PCMT1: variants seen among roughly 807,000 people sequenced by gnomAD.
PCMT1 encodes the protein protein-L-isoaspartate(D-aspartate) O-methyltransferase.
PCMT1 carries 9 observed loss-of-function variants against 29.2 expected under a neutral mutation model. The ratio of observed to expected loss-of-function variants is 0.31; its 90% confidence interval spans 0.19 to 0.54. The LOEUF (loss-of-function observed/expected upper bound fraction) is 0.54, where lower values mean the gene tolerates loss of function less well. Ranked by LOEUF, PCMT1 falls within the 20% of genes least tolerant of loss-of-function variation. PCMT1 has a pLI of 0.95. For synonymous variants in PCMT1, 98 were observed against 97.5 expected, an observed-to-expected ratio of 1.00 and a Z score of -0.03; for missense variants, 184 against 282.2, an observed-to-expected ratio of 0.65 and a Z score of 2.49.
Position 149,788,070 on chromosome 6 carries a change from A to T in PCMT1, c.193-1884A>T, listed in dbSNP as rs1263106373. The stretch of plus-strand genomic sequence containing the variant: ...GTAACTGGGACTACAGGCGCCCACC[A>T]CCACGCCCAGCTAATTTTTTGTATT... On this transcript the variant is annotated intron_variant, in intron 3 of 7. Coordinates refer to ENST00000464889, the MANE Select transcript of PCMT1 (RefSeq NM_001360452.2). 3.3e-5 allele frequency among the ~76,000 whole-genome samples: 5 copies of T among 151,748 alleles called. No individual in the cohort carries two copies. The South Asian group carries it at 1.0e-3, about 32-fold the overall frequency.
At chr6:149,793,814 TG>T in intron 5 of PCMT1, 145 bp downstream of exon 5, 1 of 658,436 alleles carries the variant, frequency 1.5e-6, no homozygotes, top group Non-Finnish European at 2.2e-6. Context: ...CGATTATTTT[TG>T]CTCACCTAGT....
intron 5 of PCMT1, chr6:149,794,674 C>A (rs1033761409): frequency 5.3e-6 from 2 of 377,066 alleles, no homozygotes; most frequent in South Asian, 4.1e-5. Flanking sequence ...ACAGCCATCC[C>A]CTAGAGGGAT....
At chr6:149,775,917 T>C (rs1051256032) in intron 3 of PCMT1, among the ~76,000 whole-genome samples, 1 of 152,110 alleles carries the variant, frequency 6.6e-6, no homozygotes, top group African/African-American at 2.4e-5. Flanking sequence ...CCCAGCACTT[T>C]GGGAGGCCAA....
intron 4 of PCMT1, among the ~76,000 whole-genome samples, chr6:149,790,519 T>TTC (rs1554255736): frequency 2.7e-5 from 4 of 150,606 alleles, no homozygotes; most frequent in African/African-American, 9.8e-5. Flanking sequence ...TTCTTTTCTT[T>TTC]TTTTTTTTTT....
chr6:149,768,661 CTG>C (rs572242882), intron 1 of PCMT1, among the ~76,000 whole-genome samples: 124 of 151,862 alleles, frequency 8.2e-4, no homozygotes, highest in South Asian at 1.3e-3. Flanking sequence ...GAGCCTCGCT[CTG>C]TTGCTCATGC....
chr6:149,750,351 C>T (rs909267535), intron 1 of PCMT1: 11 of 196,466 alleles, frequency 5.6e-5, no homozygotes, highest in African/African-American at 2.3e-4. Context: ...GGCTGGCGCT[C>T]AGGAGACCCC....
intron 3 of PCMT1, among the ~76,000 whole-genome samples, 190 bp from the exon 4 acceptor site, chr6:149,789,764 A>G (rs928586500): frequency 6.6e-6 from 1 of 152,142 alleles, no homozygotes; most frequent in African/African-American, 2.4e-5. Flanking sequence ...AATTACTGAA[A>G]CACATGATCT....
At chr6:149,805,409 T>G (rs540761402) in intron 7 of PCMT1, among the ~76,000 whole-genome samples, 12 of 150,320 alleles carry the variant, frequency 8.0e-5, no homozygotes, top group South Asian at 2.1e-4. Flanking sequence ...CTGGGTAACA[T>G]GGCGAAACCC....
chr6:149,806,639 G>GA (rs2115350423), intron 7 of PCMT1, among the ~76,000 whole-genome samples: 1 of 152,262 alleles, frequency 6.6e-6, no homozygotes, highest in Admixed American at 6.5e-5. Flanking sequence ...ACCCAGGCTG[G>GA]AGTGCAGTGG....
At chr6:149,759,581 G>A (rs927209608) in intron 1 of PCMT1, among the ~76,000 whole-genome samples, 3 of 151,826 alleles carry the variant, frequency 2.0e-5, no homozygotes, top group Admixed American at 6.6e-5. Context: ...TGCAACCTCC[G>A]CCTCCCTTGT....
intron 1 of PCMT1, among the ~76,000 whole-genome samples, chr6:149,766,226 C>T (rs1056660985): frequency 3.9e-5 from 6 of 151,912 alleles, no homozygotes; most frequent in African/African-American, 1.5e-4. Context: ...CCAACATATC[C>T]CTGGTTATCT....
chr6:149,759,636 G>A (rs1416831078), intron 1 of PCMT1, among the ~76,000 whole-genome samples: 1 of 151,970 alleles, frequency 6.6e-6, no homozygotes, highest in East Asian at 1.9e-4. Flanking sequence ...CAGAGATTAC[G>A]GGCACCTGCC....
At chr6:149,763,470 C>T (rs2115228609) in intron 1 of PCMT1, among the ~76,000 whole-genome samples, 1 of 151,858 alleles carries the variant, frequency 6.6e-6, no homozygotes, top group Admixed American at 6.6e-5. Context: ...CCTAAAAAAG[C>T]TTTATTCTGA....
At chr6:149,768,340 C>T (rs945013027) in intron 1 of PCMT1, among the ~76,000 whole-genome samples, 2 of 152,044 alleles carry the variant, frequency 1.3e-5, no homozygotes, top group Non-Finnish European at 2.9e-5. Flanking sequence ...AATCCTTTTG[C>T]CTTGGTCTCC....
intron 3 of PCMT1, among the ~76,000 whole-genome samples, chr6:149,782,089 A>G (rs946517963): frequency 3.3e-5 from 5 of 152,134 alleles, no homozygotes; most frequent in Admixed American, 3.3e-4. Flanking sequence ...ATTTTTAATT[A>G]CTTATATTTT....
intron 4 of PCMT1, among the ~76,000 whole-genome samples, chr6:149,791,749 AT>A (rs948614655): frequency 4.6e-5 from 7 of 152,008 alleles, no homozygotes; most frequent in African/African-American, 2.4e-5. Flanking sequence ...GATATCAGTG[AT>A]TTTTTTTAAG....
At chr6:149,805,570 G>T (rs989065804) in intron 7 of PCMT1, among the ~76,000 whole-genome samples, 5 of 151,774 alleles carry the variant, frequency 3.3e-5, no homozygotes, top group African/African-American at 7.3e-5. Flanking sequence ...CTCCAGCCTG[G>T]GCAACAGAGC....
rs552493104 is a variant in PCMT1 at position 149,769,569 on chromosome 6, C to T, written c.56-1593C>T. ...CCTTAAGTAATTTGCCCGCCTGGGC[C>T]TCCCAAAGTGCTGGAATTACAGGTG... On this transcript the variant is annotated intron_variant, in intron 1 of 7. Coordinates refer to ENST00000464889, the MANE Select transcript of PCMT1 (RefSeq NM_001360452.2). 9.0e-4 allele frequency among the ~76,000 whole-genome samples: 137 copies of T among 151,796 alleles called. 1 individual carries two copies. The highest frequency in any genetic ancestry group is 2.2e-3 in the Admixed American group (34 of 15,198).
intron 3 of PCMT1, among the ~76,000 whole-genome samples, chr6:149,776,953 A>G (rs1787595206): frequency 6.6e-6 from 1 of 152,198 alleles, no homozygotes; most frequent in Admixed American, 6.6e-5. Flanking sequence ...CAAGATATTT[A>G]TCCCATAATA....
Sources: allele counts gnomAD v4.1 joint callset (sites outside exome capture counted in the v4.1 genomes callset), GRCh38; gene constraint gnomAD v4.1.1; transcripts MANE v1.5; gene names NCBI Gene and HGNC (gene_info 2026-07-23, HGNC 2026-07-21).